Variants in LRRC27 observed in about 807,000 individuals in gnomAD.
LRRC27 encodes the protein leucine-rich repeat-containing protein 27.
LRRC27 carries 57 observed loss-of-function variants against 55.0 expected under a neutral mutation model. The observed-to-expected ratio is 1.04, with a 90% CI of 0.84 to 1.29. The LOEUF is 1.29. LRRC27 is among the 50% of genes most tolerant of loss of function. The probability of loss-of-function intolerance (pLI) is 0.00; values close to 1 mark genes in which losing one functional copy is unlikely to be tolerated. For synonymous variants in LRRC27, 278 were observed against 251.9 expected (o/e 1.10, Z -0.98); for missense variants, 721 against 651.5 (o/e 1.11, Z -1.16).
Position 132,348,933 on chromosome 10 carries a change from G to T in LRRC27, c.926+577G>T. 1 of 1,523,214 alleles carries T rather than the reference G, an allele frequency of 6.6e-7. No homozygotes were observed. Among genetic ancestry groups the T allele is most frequent in the Non-Finnish European group, 9.0e-7 (1 of 1,115,772 alleles). 94.4% of individuals were successfully genotyped at this position (1,523,214 alleles called of 1,614,324 possible). On this transcript the variant is annotated intron_variant, in intron 6 of 10. Coordinates refer to ENST00000368614, the MANE Select transcript of LRRC27 (RefSeq NM_030626.3). This position sits in a 1 kb window ranked among gnomAD's most constrained non-coding sequence, Gnocchi z 4.2. The stretch of plus-strand genomic sequence containing the variant: ...TGCCTTTGGTACAGTGAGTTTGGGG[G>T]CCGAGATTTTATTTTCCTTTCACAC...
intron 4 of LRRC27, among the ~76,000 whole-genome samples, chr10:132,343,547 C>T (rs2067522224): frequency 6.6e-6 from 1 of 152,104 alleles, no homozygotes; most frequent in Non-Finnish European, 1.5e-5. Flanking sequence ...AGTCACTTGC[C>T]ACAGGATTTG....
intron 2 of LRRC27, among the ~76,000 whole-genome samples, chr10:132,336,489 G>A (rs74161783): frequency 6.6e-4 from 101 of 152,334 alleles, no homozygotes; most frequent in African/African-American, 2.4e-3. Context: ...TTCTCCAGTT[G>A]GAATCTGTCA....
At chr10:132,339,549 C>G (rs956278239) in intron 3 of LRRC27, among the ~76,000 whole-genome samples, 5 of 152,148 alleles carry the variant, frequency 3.3e-5, no homozygotes, top group Non-Finnish European at 7.4e-5. Flanking sequence ...CTGCCGAGCC[C>G]GGCCAGCCGC....
At chr10:132,363,305 G>A (rs1448214145) in intron 9 of LRRC27, among the ~76,000 whole-genome samples, 1 of 151,924 alleles carries the variant, frequency 6.6e-6, no homozygotes, top group Non-Finnish European at 1.5e-5. Context: ...CTCTCACCTC[G>A]CAGCAGCATT....
chr10:132,336,281 C>T (rs975228410), intron 2 of LRRC27, among the ~76,000 whole-genome samples: 9 of 152,272 alleles, frequency 5.9e-5, no homozygotes, highest in East Asian at 1.9e-4. Flanking sequence ...AAAGGCAGCA[C>T]GTGGAGGCAT....
At chr10:132,356,259 A>C (rs947957980) in intron 8 of LRRC27, among the ~76,000 whole-genome samples, 12 of 152,196 alleles carry the variant, frequency 7.9e-5, no homozygotes, top group African/African-American at 2.9e-4. Flanking sequence ...CAAAAGATAA[A>C]AAGCAGCTGA....
chr10:132,373,648 A>G (rs2069270275), intron 10 of LRRC27, among the ~76,000 whole-genome samples: 1 of 152,200 alleles, frequency 6.6e-6, no homozygotes, highest in Non-Finnish European at 1.5e-5. Context: ...TTTCTCCAGA[A>G]GCTACTGTAG....
At chr10:132,336,835 A>G (rs374972417) in intron 2 of LRRC27, 1 of 753,554 alleles carries the variant, frequency 1.3e-6, no homozygotes, top group Non-Finnish European at 2.4e-6. Flanking sequence ...TAATGTGAGT[A>G]TAAACAACTA....
chr10:132,348,291 A>G lies in LRRC27; in HGVS notation c.861A>G (p.Leu287=), dbSNP rs1458018609. Residue 287 remains leucine (L), a synonymous_variant, in exon 6 of 11, where the codon TTA becomes TTG. Transcript: ENST00000368614. This position sits in a 1 kb window ranked among gnomAD's most constrained non-coding sequence, Gnocchi z 4.2. Reference sequence around the variant, plus strand: ...GAGATCAGCTCTTGACGAGGGAATTACCTCCAAATCTCAAGGCGGCCTTGA... The same window carrying G: ...GAGATCAGCTCTTGACGAGGGAATTGCCTCCAAATCTCAAGGCGGCCTTGA... The part of the protein sequence containing the change: ...VLGDQLLTRE[L]PPNLKAALNI... 6.2e-7 allele frequency: 1 copy of G among 1,614,004 alleles called. No homozygotes were observed. Among genetic ancestry groups the G allele is most frequent in the Non-Finnish European group, 8.5e-7 (1 of 1,180,028 alleles).
At chr10:132,331,770 G>A (rs754873763), upstream of LRRC27, 17 of 1,609,502 alleles carry the variant, frequency 1.1e-5, no homozygotes, top group Admixed American at 2.8e-4. Context: ...TGCCAGGCCG[G>A]TCGCCCCTCC....
chr10:132,334,731 C>T (rs1282811958), intron 2 of LRRC27, among the ~76,000 whole-genome samples: 4 of 152,176 alleles, frequency 2.6e-5, no homozygotes, highest in African/African-American at 9.7e-5. Flanking sequence ...GCTCCTGTTA[C>T]ACAGGTGTCA....
At chr10:132,364,553 C>T (rs943105748) in intron 9 of LRRC27, among the ~76,000 whole-genome samples, 11 of 48,326 alleles carry the variant, frequency 2.3e-4, no homozygotes, top group Admixed American at 8.7e-4. Flanking sequence ...ACCTCCACAC[C>T]CACACTTACA....
intron 8 of LRRC27, among the ~76,000 whole-genome samples, chr10:132,359,475 G>A (rs974603127): frequency 2.6e-5 from 4 of 152,328 alleles, no homozygotes; most frequent in South Asian, 2.1e-4. Flanking sequence ...ACGAGAGGGC[G>A]CCACGGCCTT....
At chr10:132,364,834 A>T (rs2068970545) in intron 9 of LRRC27, among the ~76,000 whole-genome samples, 1 of 148,156 alleles carries the variant, frequency 6.7e-6, no homozygotes, top group African/African-American at 2.6e-5. Flanking sequence ...ATCTACCTCC[A>T]CGCCCACACC....
rs2069302143 is a variant in LRRC27, at chr10:132,374,619, C to T, written c.1417-447C>T. On this transcript the variant is annotated intron_variant, in intron 10 of 10. Transcript: ENST00000368614. This position sits in a 1 kb window ranked among gnomAD's most constrained non-coding sequence, Gnocchi z 4.4. ...TGGGGTGGGGGTGGCAATTGTGGCC[C>T]CATCTGCTTCCCAGGACAGTTACGG... 6.6e-6 allele frequency among the ~76,000 whole-genome samples: 1 copy of T among 152,198 alleles called. No homozygotes were observed. The highest frequency in any genetic ancestry group is 6.5e-5 in the Admixed American group (1 of 15,284).
chr10:132,342,325 C>A, intron 4 of LRRC27, 54 bp downstream of exon 4: 1 of 1,179,954 alleles, frequency 8.5e-7, no homozygotes, highest in Non-Finnish European at 1.2e-6. Flanking sequence ...TTGAACTTGC[C>A]AGACCTTGTA....
chr10:132,375,326 C>A lies in LRRC27; in HGVS notation c.*84C>A. On this transcript the variant is annotated 3_prime_UTR_variant, in exon 11 of 11. Transcript: ENST00000368614. ...CCGGGCGTCGCCTCCTGTGTGGTGC[C>A]GGAAGAGCGCCAGGTTCAGTGTTAC... 7.6e-7 allele frequency: 1 copy of A among 1,310,574 alleles called. No individual in the cohort carries two copies. The highest frequency in any genetic ancestry group is 1.4e-5 in the South Asian group (1 of 71,680). The allele number at this position is 1,310,574 out of a possible 1,614,324, so 81.2% of individuals were successfully genotyped here.
chr10:132,331,814 C>T, upstream of LRRC27: 2 of 1,578,392 alleles, frequency 1.3e-6, no homozygotes, highest in African/African-American at 1.3e-5. Flanking sequence ...CCGTCGACCA[C>T]CACCCCTTCA....
intron 9 of LRRC27, among the ~76,000 whole-genome samples, chr10:132,364,381 ACTTACACCCACC>A (rs2068826182): frequency 9.8e-6 from 1 of 102,300 alleles, no homozygotes; most frequent in Admixed American, 8.8e-5. Context: ...ACCCACCCAC[ACTTACACCCACC>A]CTTACATCTA....
Sources: allele counts gnomAD v4.1 joint callset (sites outside exome capture counted in the v4.1 genomes callset), GRCh38; gene constraint gnomAD v4.1.1; non-coding constraint Gnocchi (gnomAD v3.1); transcripts MANE v1.5; gene names NCBI Gene and HGNC (gene_info 2026-07-23, HGNC 2026-07-21).